Variants in MAEA observed in about 807,000 individuals in gnomAD.
MAEA encodes E3 ubiquitin-protein transferase MAEA.
MAEA carries 22 observed loss-of-function variants against 46.2 expected under a neutral mutation model. The observed-to-expected ratio is 0.48, with a 90% CI of 0.34 to 0.68. The LOEUF (loss-of-function observed/expected upper bound fraction) is 0.68, where lower values mean the gene tolerates loss of function less well. Among genes scored for constraint, MAEA ranks in the 30% least tolerant of loss-of-function variants. The pLI is 0.01. For missense variants in MAEA, 393 were observed against 558.1 expected (o/e 0.70, Z 2.98); for synonymous variants, 246 against 222.6 (o/e 1.11, Z -0.94).
At chr4:1,321,306 AT>A (rs1209150296) in intron 3 of MAEA, among the ~76,000 whole-genome samples, 1 of 152,196 alleles carries the variant, frequency 6.6e-6, no homozygotes, top group African/African-American at 2.4e-5. Flanking sequence ...TTTAAAAAAG[AT>A]ATCATCAAAG....
At chr4:1,334,465 G>T (rs1264525050) in intron 6 of MAEA, among the ~76,000 whole-genome samples, 1 of 152,158 alleles carries the variant, frequency 6.6e-6, no homozygotes, top group African/African-American at 2.4e-5. Context: ...TTCAGGGGTG[G>T]GGTCTGAGCT....
chr4:1,294,376 G>A lies in MAEA; in HGVS notation c.69+4394G>A, dbSNP rs546594204. On this transcript the variant is annotated intron_variant, in intron 1 of 8. Coordinates refer to ENST00000303400, the MANE Select transcript of MAEA (RefSeq NM_001017405.3). ...GTAGACTTGAATTCACTGCTAGCTG[G>A]GGGGTTGGTTTTGTTTTTGTTTTTT... 2.2e-4 allele frequency among the ~76,000 whole-genome samples: 33 copies of A among 152,288 alleles called. No individual in the cohort carries two copies. The South Asian group carries it at 6.8e-3, about 32-fold the overall frequency.
rs1483985536 is a variant in MAEA at position 1,327,669 on chromosome 4, C to T, written c.622C>T (p.Leu208Phe). The T allele has an allele frequency of 1.9e-6, 3 of 1,613,990 alleles. No homozygotes were observed. Among genetic ancestry groups the T allele is most frequent in the Non-Finnish European group, 2.5e-6 (3 of 1,180,008 alleles). Residue 208 changes from leucine to phenylalanine, a missense_variant, in exon 5 of 9, where the codon CTC becomes TTC. By Grantham distance (22) the Leu-to-Phe change is conservative. Coordinates refer to ENST00000303400, the MANE Select transcript of MAEA (RefSeq NM_001017405.3). ...CCTCAGAATCCAGGAGTTCATTGAA[C>T]TCATCCGGCAGAATAAGAGACTGGA... ...FSLRIQEFIE[L>F]IRQNKRLDAV...
At chr4:1,335,646 G>A (rs1379888623) in intron 6 of MAEA, 2 of 947,038 alleles carry the variant, frequency 2.1e-6, no homozygotes, top group Non-Finnish European at 2.5e-6. Context: ...CCCCCACAGT[G>A]TGTTGAAATC....
chr4:1,299,609 G>A (rs925150022), intron 1 of MAEA: 2 of 152,336 alleles, frequency 1.3e-5, no homozygotes, highest in African/African-American at 2.4e-5. Flanking sequence ...GCTGGGCCCA[G>A]TGGCCTTTCT....
At chr4:1,326,182 G>C (rs558710116) in intron 4 of MAEA, among the ~76,000 whole-genome samples, 1 of 152,326 alleles carries the variant, frequency 6.6e-6, no homozygotes, top group Admixed American at 6.5e-5. Flanking sequence ...AAGCTCAGTG[G>C]GGAAAGCTCT....
chr4:1,337,962 G>A (rs1223892474), intron 7 of MAEA: 2 of 173,398 alleles, frequency 1.2e-5, no homozygotes, highest in African/African-American at 4.8e-5. Context: ...AGTGTTTCGC[G>A]ATTGCTGCTG....
intron 6 of MAEA, chr4:1,335,109 T>G: frequency 2.0e-6 from 2 of 985,328 alleles, no homozygotes; most frequent in African/African-American, 1.7e-5. Context: ...TCACACACGC[T>G]CTCTCTCTTA....
Position 1,310,046 on chromosome 4 carries a change from C to T in MAEA, c.70-1933C>T, listed in dbSNP as rs1577163653. 10 of 1,140,540 alleles carry T rather than the reference C, an allele frequency of 8.8e-6. No homozygotes were observed. In the South Asian group the frequency reaches 1.2e-4, roughly 14 times the overall value. The allele number at this position is 1,140,540 out of a possible 1,614,324, so 70.7% of individuals were successfully genotyped here. On this transcript the variant is annotated intron_variant, in intron 1 of 8. Coordinates refer to ENST00000303400, the MANE Select transcript of MAEA (RefSeq NM_001017405.3). ...TCCGCGCGAGCGAGGGTGGTTGTGCCGCTTTGTCTAATGGTCTAATGGCGA... is the reference window on the plus strand; with the variant it reads ...TCCGCGCGAGCGAGGGTGGTTGTGCTGCTTTGTCTAATGGTCTAATGGCGA...
intron 4 of MAEA, among the ~76,000 whole-genome samples, chr4:1,326,476 G>A (rs1172668138): frequency 6.6e-6 from 1 of 152,150 alleles, no homozygotes; most frequent in Non-Finnish European, 1.5e-5. Flanking sequence ...GGTCAATGTT[G>A]CCGCTGCCCC....
chr4:1,315,308 GTGT>G (rs1174075169), intron 2 of MAEA, 86 bp from the exon 3 acceptor site: 1 of 1,204,686 alleles, frequency 8.3e-7, no homozygotes, highest in African/African-American at 1.5e-5. Flanking sequence ...CTCCTTGTGA[GTGT>G]TGTGGATTGG....
intron 6 of MAEA, chr4:1,334,808 C>T (rs1461726186): frequency 2.1e-6 from 2 of 942,144 alleles, no homozygotes; most frequent in East Asian, 1.2e-4. Flanking sequence ...GCAACCAGTC[C>T]TGGGGAGTGA....
intron 1 of MAEA, among the ~76,000 whole-genome samples, chr4:1,298,294 C>T: frequency 6.6e-6 from 1 of 152,146 alleles, no homozygotes. Flanking sequence ...ATGCACCAGA[C>T]CCCCTGCCCC....
rs554008197 is a variant in MAEA, at chr4:1,311,353, A to G, written c.70-626A>G. 6.6e-6 allele frequency among the ~76,000 whole-genome samples: 1 copy of G among 152,384 alleles called. No homozygotes were observed. Among genetic ancestry groups the G allele is most frequent in the East Asian group, 1.9e-4 (1 of 5,188 alleles). On this transcript the variant is annotated intron_variant, in intron 1 of 8. Coordinates refer to ENST00000303400, the MANE Select transcript of MAEA (RefSeq NM_001017405.3). This position sits in a 1 kb window ranked among gnomAD's most constrained non-coding sequence, Gnocchi z 4.4. ...AGAAGAACTCAGCAGCGCTTCTCTC[A>G]GAGGGACAGAAAACTAACAACGACT...
chr4:1,328,542 T>C (rs1335926651), intron 5 of MAEA: 5 of 1,044,194 alleles, frequency 4.8e-6, no homozygotes, highest in Non-Finnish European at 6.1e-6. Context: ...GGCCCTCAGC[T>C]CCCGGGCGAG....
rs949841869 is a variant in MAEA at position 1,311,973 on chromosome 4, C to T, written c.70-6C>T. 1.9e-6 allele frequency: 3 copies of T among 1,603,874 alleles called. No individual in the cohort carries two copies. The highest frequency in any genetic ancestry group is 2.6e-6 in the Non-Finnish European group (3 of 1,172,262). ...CAGATCCCTCACCATCCTCCTTCCT[C>T]TCCAGGTGCCCTACGAGACGCTGAA... On this transcript the variant is annotated splice_region_variant and splice_polypyrimidine_tract_variant and intron_variant, in intron 1 of 8. Transcript: ENST00000303400. The surrounding 1 kb of genome is among the most constrained non-coding windows in gnomAD (Gnocchi z 4.4).
At chr4:1,338,398 A>G (rs1713080019) in intron 7 of MAEA, 24 bp from the exon 8 acceptor site, 1 of 1,595,264 alleles carries the variant, frequency 6.3e-7, no homozygotes, top group African/African-American at 1.3e-5. Flanking sequence ...GTGGCCCCCA[A>G]CCCTTCCTTG....
At chr4:1,302,656 A>G (rs952719762) in intron 1 of MAEA, among the ~76,000 whole-genome samples, 2 of 151,948 alleles carry the variant, frequency 1.3e-5, no homozygotes, top group Non-Finnish European at 2.9e-5. Context: ...ATTTTTTTGT[A>G]TTTTTAGTAG....
chr4:1,316,566 C>A (rs949848127), intron 3 of MAEA, among the ~76,000 whole-genome samples: 3 of 152,078 alleles, frequency 2.0e-5, no homozygotes, highest in Admixed American at 2.0e-4. Flanking sequence ...ATGCGCCTGG[C>A]CCCACAGGCC....
Sources: gnomAD v4.1 joint callset for allele counts (sites outside exome capture counted in the v4.1 genomes callset) on GRCh38, gnomAD v4.1.1 for gene constraint, Gnocchi (gnomAD v3.1) non-coding constraint, MANE v1.5 for transcripts, NCBI Gene and HGNC (gene_info 2026-07-23, HGNC 2026-07-21) for gene names.